The following PLXDC1 variants were observed in gnomAD, a reference collection of about 807,000 sequenced individuals.
The protein encoded by PLXDC1 is plexin domain containing 1.
In PLXDC1, 39 loss-of-function variants were observed where a neutral mutation model predicts 61.3. The ratio of observed to expected loss-of-function variants is 0.64; its 90% CI spans 0.49 to 0.83. The LOEUF (loss-of-function observed/expected upper bound fraction) is 0.83. PLXDC1 is among the 40% of genes least tolerant of loss of function. The pLI is 0.00. For missense variants in PLXDC1, 596 were observed against 666.5 expected (o/e 0.89, Z 1.17); for synonymous variants, 212 against 254.5 (o/e 0.83, Z 1.59).
At chr17:39,106,596 T>C (rs1046123813) in intron 6 of PLXDC1, among the ~76,000 whole-genome samples, 1 of 151,856 alleles carries the variant, frequency 6.6e-6, no homozygotes, top group Non-Finnish European at 1.5e-5. Flanking sequence ...GCTGGGGTTA[T>C]GAGCCACCAC....
chr17:39,063,386 G>T lies in PLXDC1; in HGVS notation c.*4454C>A. ...TGGGGTTTACTTCCAGGGATTTACA[G>T]ACCAATATAAGTAAACAGCTGGGGT... is the stretch of plus-strand genomic sequence containing the variant. On this transcript the variant is annotated 3_prime_UTR_variant, in exon 14 of 14. Transcript: ENST00000315392. The T allele has an allele frequency of 1.4e-6, 1 of 690,486 alleles. No individual in the cohort carries two copies. The highest frequency in any genetic ancestry group is 1.5e-5 in the South Asian group (1 of 65,346). The allele number at this position is 690,486 out of a possible 1,614,324, so 42.8% of individuals were successfully genotyped here. A position where few individuals can be genotyped will look rare whatever the true frequency, so the allele number is the denominator to read the frequency against.
At chr17:39,141,000 C>T (rs1462684924) in intron 1 of PLXDC1, among the ~76,000 whole-genome samples, 1 of 152,090 alleles carries the variant, frequency 6.6e-6, no homozygotes, top group Non-Finnish European at 1.5e-5. Flanking sequence ...ATTCTGTACC[C>T]GTTAAATAAT....
intron 2 of PLXDC1, among the ~76,000 whole-genome samples, chr17:39,120,606 G>GTTT (rs34244449): frequency 0.28 from 37,482 of 132,416 alleles, 6,094 homozygotes; most frequent in Non-Finnish European, 0.35. Flanking sequence ...TTTATTTTAG[G>GTTT]TTTTTTTTTT....
chr17:39,143,226 T>G (rs1911992100), intron 1 of PLXDC1, among the ~76,000 whole-genome samples: 1 of 152,204 alleles, frequency 6.6e-6, no homozygotes, highest in Admixed American at 6.5e-5. Flanking sequence ...ATTGTCATTC[T>G]AATGGTCACA....
intron 7 of PLXDC1, among the ~76,000 whole-genome samples, chr17:39,100,290 A>C (rs1910376902): frequency 1.3e-5 from 2 of 151,946 alleles, no homozygotes; most frequent in Non-Finnish European, 2.9e-5. Flanking sequence ...TGAAATCGTG[A>C]GTGAGTGGTG....
At chr17:39,071,903 A>T (rs569725457) in intron 12 of PLXDC1, 6 of 157,932 alleles carry the variant, frequency 3.8e-5, no homozygotes, top group African/African-American at 1.4e-4. Context: ...GGCTCTGGGC[A>T]AAGGGCAGGG....
At chr17:39,101,830 C>T (rs1182540184) in intron 7 of PLXDC1, among the ~76,000 whole-genome samples, 1 of 152,160 alleles carries the variant, frequency 6.6e-6, no homozygotes, top group South Asian at 2.1e-4. Flanking sequence ...CTGCCATCTC[C>T]CTCGATATCA....
intron 7 of PLXDC1, 49 bp downstream of exon 7, chr17:39,105,805 G>A (rs1353577508): frequency 8.2e-7 from 1 of 1,214,678 alleles, no homozygotes; most frequent in East Asian, 2.3e-5. Flanking sequence ...TTCAGTCTGA[G>A]CGGAGTCCTA....
chr17:39,123,200 C>CA (rs1460206757), intron 2 of PLXDC1, among the ~76,000 whole-genome samples: 1 of 152,024 alleles, frequency 6.6e-6, no homozygotes, highest in Non-Finnish European at 1.5e-5. Flanking sequence ...CAAGGTTCCT[C>CA]TTTTTTTGAG....
chr17:39,101,942 G>A (rs1910435382), intron 7 of PLXDC1, among the ~76,000 whole-genome samples: 2 of 152,252 alleles, frequency 1.3e-5, no homozygotes, highest in South Asian at 4.1e-4. Context: ...GAATGCTGCA[G>A]GCAGGCAGAT....
chr17:39,117,060 G>A (rs1910994193), intron 2 of PLXDC1, among the ~76,000 whole-genome samples: 1 of 152,236 alleles, frequency 6.6e-6, no homozygotes, highest in African/African-American at 2.4e-5. Context: ...GGTTGACGGG[G>A]AATGTGGCTC....
At chr17:39,124,160 A>G (rs1377125506) in intron 2 of PLXDC1, among the ~76,000 whole-genome samples, 2 of 152,216 alleles carry the variant, frequency 1.3e-5, no homozygotes, top group Non-Finnish European at 2.9e-5. Flanking sequence ...GCCCAACCCC[A>G]AGCCTGCTGA....
chr17:39,128,661 C>G (rs1448399692), intron 2 of PLXDC1, among the ~76,000 whole-genome samples: 2 of 152,130 alleles, frequency 1.3e-5, no homozygotes, highest in Non-Finnish European at 2.9e-5. Context: ...AAGTTAAACA[C>G]AGAGTTACCA....
At chr17:39,129,769 GAGAAAGAAAA>G (rs1010827790) in intron 2 of PLXDC1, among the ~76,000 whole-genome samples, 1 of 82,584 alleles carries the variant, frequency 1.2e-5, no homozygotes, top group Non-Finnish European at 2.5e-5. Context: ...GAAAGAAAGA[GAGAAAGAAAA>G]AGAAAGAAAG....
rs1442590393 is a variant in PLXDC1, at chr17:39,109,263, G to A, written c.384C>T (p.Thr128=). 6.2e-7 allele frequency: 1 copy of A among 1,606,600 alleles called. No homozygotes were observed. The highest frequency in any genetic ancestry group is 8.5e-7 in the Non-Finnish European group (1 of 1,175,444). ...GGGCACTCACCGAAGCCTGCCGGTG[G>A]GTGTTGGAGAGTATTGTGTGGATCT... ...QVKIHTILSN[T]HRQASRVVLS... Residue 128 remains threonine (T), a synonymous_variant, in exon 3 of 14, where the codon ACC becomes ACT. Transcript: ENST00000315392.
At position 39,125,529 on chromosome 17, in the gene PLXDC1, A is replaced by T. The variant is rs576895809; in HGVS notation, c.255+14125T>A. Among the ~76,000 whole-genome samples the T allele has an allele frequency of 2.4e-4, 36 of 152,354 alleles. 1 individual carries two copies. The South Asian group carries it at 7.2e-3, about 31-fold the overall frequency. ...TGAGGGATTGTGATAGGGTAAATAT[A>T]GACCATATAGCCACAGAGAATTAGG... On this transcript the variant is annotated intron_variant, in intron 2 of 13. Coordinates refer to ENST00000315392, the MANE Select transcript of PLXDC1 (RefSeq NM_020405.5).
intron 2 of PLXDC1, among the ~76,000 whole-genome samples, chr17:39,123,080 T>C (rs1413865287): frequency 6.6e-6 from 1 of 152,214 alleles, no homozygotes; most frequent in East Asian, 1.9e-4. Flanking sequence ...ACATATTGTC[T>C]GTGGAGTAAG....
At chr17:39,139,599 G>A (rs1026226033) in intron 2 of PLXDC1, 55 bp downstream of exon 2, 2 of 1,484,180 alleles carry the variant, frequency 1.3e-6, no homozygotes, top group Non-Finnish European at 1.9e-6. Context: ...GGGGCAGCTG[G>A]TGAGACCTCC....
chr17:39,087,582 G>A (rs747503879), intron 8 of PLXDC1, 25 bp downstream of exon 8: 1 of 1,569,642 alleles, frequency 6.4e-7, no homozygotes, highest in South Asian at 1.1e-5. Context: ...GCTCTTTCTG[G>A]GATGGCGGAA....
Sources: allele counts gnomAD v4.1 joint callset (sites outside exome capture counted in the v4.1 genomes callset), GRCh38; gene constraint gnomAD v4.1.1; transcripts MANE v1.5; gene names NCBI Gene and HGNC (gene_info 2026-07-23, HGNC 2026-07-21).